TEKT3: variants seen among roughly 807,000 people sequenced by gnomAD.
The protein encoded by TEKT3 is tektin 3, also known as tektin-3.
In TEKT3, 49 loss-of-function variants were observed where a neutral mutation model predicts 49.8. The ratio of observed to expected loss-of-function variants is 0.98; its 90% confidence interval spans 0.78 to 1.25. The LOEUF (loss-of-function observed/expected upper bound fraction) is 1.25, where lower values mean the gene tolerates loss of function less well. Among genes scored for constraint, TEKT3 ranks in the 50% most tolerant of loss-of-function variants. The pLI, the probability that TEKT3 is intolerant of heterozygous loss-of-function variation, is 0.00. For missense variants in TEKT3, 595 were observed against 629.5 expected (o/e 0.95, Z 0.59); for synonymous variants, 225 against 237.2 (o/e 0.95, Z 0.47).
chr17:15,338,122 T>A (rs1322769904), intron 2 of TEKT3, among the ~76,000 whole-genome samples: 2 of 152,230 alleles, frequency 1.3e-5, no homozygotes, highest in South Asian at 2.1e-4. Context: ...TATTTCAATA[T>A]TTCAACGTTT....
At chr17:15,322,619 TA>T (rs1168280191) in intron 4 of TEKT3, among the ~76,000 whole-genome samples, 2 of 152,208 alleles carry the variant, frequency 1.3e-5, no homozygotes, top group Non-Finnish European at 2.9e-5. Context: ...ATGTCCTTGT[TA>T]AACCCAGACC....
chr17:15,319,196 A>G (rs753485358), intron 4 of TEKT3, 49 bp from the exon 5 acceptor site: 7 of 1,465,384 alleles, frequency 4.8e-6, no homozygotes, highest in Non-Finnish European at 5.6e-6. Context: ...ATTGAATATA[A>G]CACTCAAAAT....
intron 8 of TEKT3, among the ~76,000 whole-genome samples, chr17:15,307,487 G>A (rs1435381356): frequency 2.0e-5 from 3 of 152,210 alleles, no homozygotes; most frequent in East Asian, 1.9e-4. Context: ...GCCCAGCATC[G>A]AGTCAGGTTA....
chr17:15,310,534 C>G (rs1483119168), intron 7 of TEKT3, among the ~76,000 whole-genome samples: 1 of 152,062 alleles, frequency 6.6e-6, no homozygotes, highest in Non-Finnish European at 1.5e-5. Context: ...TGTGAAGACA[C>G]AGGGAGAAGG....
At position 15,331,506 on chromosome 17, in the gene TEKT3, C is replaced by CTGA; in HGVS notation, c.77_79dup (p.Ile26dup). On this transcript the variant is annotated inframe_insertion, in exon 3 of 9. Coordinates refer to ENST00000395930, the MANE Select transcript of TEKT3 (RefSeq NM_031898.3). Reference sequence around the variant, plus strand: ...GTCCCTGTAGCTTGAGGCCATGGTACTGATGGCTGGTAGAAAGTTGGTTGG... The same window carrying CTGA: ...GTCCCTGTAGCTTGAGGCCATGGTACTGATGATGGCTGGTAGAAAGTTGGTTGG... 6.2e-7 allele frequency: 1 copy of CTGA among 1,614,034 alleles called. No individual in the cohort carries two copies. The highest frequency in any genetic ancestry group is 1.1e-5 in the South Asian group (1 of 91,050).
Position 15,304,198 on chromosome 17 carries a change from C to G in TEKT3, c.1257-46G>C, listed in dbSNP as rs11867189. The G allele has an allele frequency of 1.2e-5, 19 of 1,592,904 alleles. No individual in the cohort carries two copies. The highest frequency in any genetic ancestry group is 2.7e-5 in the African/African-American group (2 of 74,528). On this transcript the variant is annotated intron_variant, in intron 8 of 8. Transcript: ENST00000395930. This position sits in a 1 kb window ranked among gnomAD's most constrained non-coding sequence, Gnocchi z 4.7. Reference sequence around the variant, plus strand: ...CATGGTTAGGTCAGCATGTAGCTTACGCAACTCCAAGTACATCACATTGTA... The same window carrying G: ...CATGGTTAGGTCAGCATGTAGCTTAGGCAACTCCAAGTACATCACATTGTA...
At chr17:15,337,947 C>T (rs1020140109) in intron 2 of TEKT3, among the ~76,000 whole-genome samples, 7 of 152,090 alleles carry the variant, frequency 4.6e-5, no homozygotes, top group African/African-American at 1.7e-4. Flanking sequence ...ATCAAGTAGA[C>T]TTCTAAACAA....
chr17:15,336,054 G>T (rs1181429365), intron 2 of TEKT3, among the ~76,000 whole-genome samples: 1 of 151,858 alleles, frequency 6.6e-6, no homozygotes, highest in South Asian at 2.1e-4. Flanking sequence ...TCCCAAATTT[G>T]CTGAAAACTA....
chr17:15,311,426 A>G (rs1567574005), intron 7 of TEKT3: 1 of 152,254 alleles, frequency 6.6e-6, no homozygotes, highest in Non-Finnish European at 1.5e-5. Context: ...GATGACATGC[A>G]AATTCATGAA....
chr17:15,330,229 T>C (rs1236681698), intron 3 of TEKT3, among the ~76,000 whole-genome samples: 2 of 152,204 alleles, frequency 1.3e-5, no homozygotes, highest in Non-Finnish European at 2.9e-5. Context: ...AAGGTTTTGG[T>C]CTCAAATATT....
intron 8 of TEKT3, among the ~76,000 whole-genome samples, chr17:15,307,494 G>A (rs889216244): frequency 2.6e-5 from 4 of 152,232 alleles, no homozygotes; most frequent in African/African-American, 9.6e-5. Flanking sequence ...ATCGAGTCAG[G>A]TTAAGAGATG....
At chr17:15,318,226 T>A (rs1224842850) in intron 5 of TEKT3, among the ~76,000 whole-genome samples, 1 of 151,938 alleles carries the variant, frequency 6.6e-6, no homozygotes, top group East Asian at 1.9e-4. Context: ...CCTGACATCG[T>A]GATCTGCCCG....
chr17:15,314,093 T>C lies in TEKT3; in HGVS notation c.872A>G (p.Asp291Gly), dbSNP rs770827703. 1 of 1,614,220 alleles carries C rather than the reference T, an allele frequency of 6.2e-7. No homozygotes were observed. The highest frequency in any genetic ancestry group is 8.5e-7 in the Non-Finnish European group (1 of 1,180,040). The stretch of plus-strand genomic sequence containing the variant: ...TGGCGTGTGCCTGACTTACGTTGCA[T>C]CGACCCTCTCCACTCCGCGGAAGTA... Reference protein sequence around the residue: ...VGYFRGVERVDATVSVPESWA... With the variant: ...VGYFRGVERVGATVSVPESWA... Residue 291 changes from aspartate (D) to glycine (G), a missense_variant, in exon 6 of 9, where the codon GAT becomes GGT. Physicochemically the swap from Asp to Gly is moderately conservative, Grantham distance 94 (BLOSUM62 -1). Transcript: ENST00000395930.
chr17:15,314,745 T>C (rs562307185), intron 5 of TEKT3, among the ~76,000 whole-genome samples: 4 of 152,318 alleles, frequency 2.6e-5, no homozygotes, highest in African/African-American at 9.6e-5. Flanking sequence ...TTTGTGGTCA[T>C]GCTGTGGCTA....
At chr17:15,316,045 C>T (rs918803754) in intron 5 of TEKT3, among the ~76,000 whole-genome samples, 1 of 152,210 alleles carries the variant, frequency 6.6e-6, no homozygotes, top group Admixed American at 6.5e-5. Context: ...AGAGTAGCGA[C>T]ATGCAAATGA....
intron 2 of TEKT3, among the ~76,000 whole-genome samples, chr17:15,334,986 C>CA (rs1911924033): frequency 6.6e-6 from 1 of 152,126 alleles, no homozygotes; most frequent in African/African-American, 2.4e-5. Flanking sequence ...AAAATCTAGA[C>CA]AAAATATATG....
chr17:15,333,125 G>A (rs984694027), intron 2 of TEKT3, among the ~76,000 whole-genome samples: 1 of 151,130 alleles, frequency 6.6e-6, no homozygotes, highest in African/African-American at 2.4e-5. Flanking sequence ...TGAAACTTTT[G>A]GTCGTTATTA....
Position 15,339,711 on chromosome 17 carries a change from C to A in TEKT3, c.-30+317G>T, listed in dbSNP as rs145653561. Among the ~76,000 whole-genome samples, 76 of 152,298 alleles carry A rather than the reference C, an allele frequency of 5.0e-4. No homozygotes were observed. In the East Asian group the frequency reaches 0.013, roughly 27 times the overall value. ...ACTTGCCCCACACCCTGCCTTAGAT[C>A]AGGGGCAAGCATAGGCTTGAAGGGC... On this transcript the variant is annotated intron_variant, in intron 2 of 8. Coordinates refer to ENST00000395930, the MANE Select transcript of TEKT3 (RefSeq NM_031898.3).
At chr17:15,329,400 A>G (rs1351863391) in intron 3 of TEKT3, among the ~76,000 whole-genome samples, 4 of 152,220 alleles carry the variant, frequency 2.6e-5, no homozygotes, top group African/African-American at 7.2e-5. Flanking sequence ...TTCTGAAAGT[A>G]GTCATCACTG....
Sources: gnomAD v4.1 joint callset for allele counts (sites outside exome capture counted in the v4.1 genomes callset) on GRCh38, gnomAD v4.1.1 for gene constraint, Gnocchi (gnomAD v3.1) non-coding constraint, MANE v1.5 for transcripts, NCBI Gene and HGNC (gene_info 2026-07-23, HGNC 2026-07-21) for gene names.